The following LHFPL6 variants were observed in gnomAD, a reference collection of about 807,000 sequenced individuals.
LHFPL6 encodes the protein LHFPL tetraspan subfamily member 6 protein.
In LHFPL6, 9 loss-of-function variants were observed where a neutral mutation model predicts 20.6. The ratio of observed to expected loss-of-function variants is 0.44; its 90% CI spans 0.26 to 0.76. The LOEUF (loss-of-function observed/expected upper bound fraction) is 0.76. Among genes scored for constraint, LHFPL6 ranks in the 30% least tolerant of loss-of-function variants. The pLI is 0.20. For missense variants in LHFPL6, 218 were observed against 253.5 expected (o/e 0.86, Z 0.95); for synonymous variants, 105 against 98.7 (o/e 1.06, Z -0.38).
chr13:39,538,899 T>C (rs1870708669), intron 2 of LHFPL6, among the ~76,000 whole-genome samples: 2 of 152,220 alleles, frequency 1.3e-5, no homozygotes, highest in Non-Finnish European at 2.9e-5. Context: ...ATGGAGTTAT[T>C]CATCTACTCC....
intron 2 of LHFPL6, among the ~76,000 whole-genome samples, chr13:39,490,263 T>C (rs901752988): frequency 1.3e-5 from 2 of 152,202 alleles, no homozygotes; most frequent in Non-Finnish European, 2.9e-5. Context: ...CAGGAATTTC[T>C]TATGCAGGAA....
intron 2 of LHFPL6, among the ~76,000 whole-genome samples, chr13:39,520,868 G>A (rs1566131706): frequency 6.6e-6 from 1 of 152,122 alleles, no homozygotes; most frequent in African/African-American, 2.4e-5. Flanking sequence ...CTGGGTGTGG[G>A]TCTGGACGTT....
At chr13:39,431,923 C>T (rs2138405683) in intron 2 of LHFPL6, among the ~76,000 whole-genome samples, 1 of 152,168 alleles carries the variant, frequency 6.6e-6, no homozygotes, top group Admixed American at 6.5e-5. Flanking sequence ...TGAATGTGTG[C>T]CCCAAAATTC....
chr13:39,410,541 C>G (rs1339088922), intron 2 of LHFPL6, among the ~76,000 whole-genome samples: 1 of 152,194 alleles, frequency 6.6e-6, no homozygotes, highest in Non-Finnish European at 1.5e-5. Flanking sequence ...AACAGATCCT[C>G]TTTCTCCCCA....
chr13:39,407,039 G>T (rs73456972), intron 2 of LHFPL6, among the ~76,000 whole-genome samples: 5 of 152,304 alleles, frequency 3.3e-5, no homozygotes, highest in Non-Finnish European at 7.3e-5. Context: ...CAGCACACAT[G>T]GCTAGATTAA....
At chr13:39,555,637 A>T (rs1328290150) in intron 2 of LHFPL6, among the ~76,000 whole-genome samples, 2 of 152,218 alleles carry the variant, frequency 1.3e-5, no homozygotes, top group Non-Finnish European at 2.9e-5. Flanking sequence ...TGAAGGCAAG[A>T]TATTTAGTAA....
chr13:39,435,062 CAAAAAAAAAAAAAA>C (rs55701240), intron 2 of LHFPL6, among the ~76,000 whole-genome samples: 3 of 53,358 alleles, frequency 5.6e-5, no homozygotes, highest in South Asian at 1.3e-3. Context: ...GACTCCGTCT[CAAAAAAAAAAAAAA>C]AAAAAAAAAA....
intron 2 of LHFPL6, among the ~76,000 whole-genome samples, chr13:39,437,961 A>G (rs531659115): frequency 6.6e-6 from 1 of 152,166 alleles, no homozygotes; most frequent in Admixed American, 6.5e-5. Context: ...GGACACTGCT[A>G]TAAAGATACC....
chr13:39,469,237 T>C (rs1219718765), intron 2 of LHFPL6, among the ~76,000 whole-genome samples: 3 of 152,202 alleles, frequency 2.0e-5, no homozygotes, highest in African/African-American at 7.2e-5. Flanking sequence ...ACACAGGCAC[T>C]GTGTGCTGCC....
chr13:39,372,191 A>G (rs1184547029), intron 3 of LHFPL6, among the ~76,000 whole-genome samples: 1 of 152,088 alleles, frequency 6.6e-6, no homozygotes, highest in Non-Finnish European at 1.5e-5. Flanking sequence ...GAGTCAGTCA[A>G]GTCTGTAGCT....
At chr13:39,358,076 C>T (rs889749921) in intron 3 of LHFPL6, among the ~76,000 whole-genome samples, 1 of 151,922 alleles carries the variant, frequency 6.6e-6, no homozygotes, top group Admixed American at 6.6e-5. Context: ...CAAAAAAGAG[C>T]CCGAATAACC....
intron 3 of LHFPL6, among the ~76,000 whole-genome samples, chr13:39,360,159 T>G (rs1393815097): frequency 1.0e-5 from 1 of 96,858 alleles, no homozygotes; most frequent in African/African-American, 3.0e-5. Flanking sequence ...TAGCTGGGAT[T>G]ACAGGAGTCC....
At chr13:39,380,576 T>A (rs1160587465) in intron 2 of LHFPL6, among the ~76,000 whole-genome samples, 1 of 149,392 alleles carries the variant, frequency 6.7e-6, no homozygotes, top group African/African-American at 2.5e-5. Flanking sequence ...AGTGGTGCAA[T>A]CTAAGCTCAC....
At chr13:39,419,280 A>G (rs1365998371) in intron 2 of LHFPL6, among the ~76,000 whole-genome samples, 2 of 152,234 alleles carry the variant, frequency 1.3e-5, no homozygotes, top group Admixed American at 6.5e-5. Context: ...GTGAAATACA[A>G]CTACAATTCC....
chr13:39,550,568 T>A (rs73466867), intron 2 of LHFPL6, among the ~76,000 whole-genome samples: 2,647 of 152,254 alleles, frequency 0.017, 92 homozygotes, highest in African/African-American at 0.061. Flanking sequence ...ACCTTTGAAT[T>A]CATGATGTCA....
At chr13:39,445,253 T>A (rs73175125) in intron 2 of LHFPL6, among the ~76,000 whole-genome samples, 11,394 of 152,262 alleles carry the variant, frequency 0.075, 545 homozygotes, top group Middle Eastern at 0.12. Flanking sequence ...ATGGACACAG[T>A]CCCTTTACCT....
intron 2 of LHFPL6, among the ~76,000 whole-genome samples, chr13:39,394,371 G>T (rs865871209): frequency 4.6e-5 from 7 of 152,120 alleles, no homozygotes; most frequent in Non-Finnish European, 1.0e-4. Context: ...GGGGAGTAGG[G>T]CTTCAACATT....
chr13:39,484,174 A>G (rs1346108303), intron 2 of LHFPL6, among the ~76,000 whole-genome samples: 2 of 152,172 alleles, frequency 1.3e-5, no homozygotes, highest in Non-Finnish European at 2.9e-5. Flanking sequence ...TCAGATTCAC[A>G]GAGCCAACTG....
intron 2 of LHFPL6, among the ~76,000 whole-genome samples, chr13:39,472,802 G>A (rs191612692): frequency 6.6e-6 from 1 of 152,012 alleles, no homozygotes; most frequent in Non-Finnish European, 1.5e-5. Context: ...AGAGATATGG[G>A]GTTTCACCAG....
Sources: allele counts gnomAD v4.1 joint callset (sites outside exome capture counted in the v4.1 genomes callset), GRCh38; gene constraint gnomAD v4.1.1; transcripts MANE v1.5; gene names NCBI Gene and HGNC (gene_info 2026-07-23, HGNC 2026-07-21).